GRIA1: variants seen among roughly 807,000 people sequenced by gnomAD.
GRIA1 encodes the protein glutamate receptor 1.
A neutral mutation model predicts 99.2 loss-of-function variants in GRIA1; 31 were observed. The ratio of observed to expected loss-of-function variants is 0.31; its 90% CI spans 0.23 to 0.42. The LOEUF (loss-of-function observed/expected upper bound fraction) is 0.42. Ranked by LOEUF, GRIA1 falls within the 10% of genes least tolerant of loss-of-function variation. The pLI, the probability that GRIA1 is intolerant of heterozygous loss-of-function variation, is 1.00. For synonymous variants in GRIA1, 438 were observed against 432.4 expected (o/e 1.01, Z -0.16); for missense variants, 782 against 1,157.5 (o/e 0.68, Z 4.71).
intron 2 of GRIA1, among the ~76,000 whole-genome samples, chr5:153,643,414 T>C (rs1753915207): frequency 6.6e-6 from 1 of 152,226 alleles, no homozygotes; most frequent in African/African-American, 2.4e-5. Context: ...TACAGAACCA[T>C]GTTATCTCTT....
chr5:153,644,678 C>T (rs988414788), intron 2 of GRIA1, among the ~76,000 whole-genome samples: 5 of 151,870 alleles, frequency 3.3e-5, no homozygotes, highest in African/African-American at 1.2e-4. Context: ...TGATGTGATA[C>T]AGACTGATGA....
At chr5:153,804,076 T>C (rs1249013413) in intron 15 of GRIA1, among the ~76,000 whole-genome samples, 2 of 152,114 alleles carry the variant, frequency 1.3e-5, no homozygotes, top group Non-Finnish European at 2.9e-5. Flanking sequence ...ATGTGCCTTT[T>C]TATGGGCCGA....
Position 153,787,850 on chromosome 5 carries a change from G to A in GRIA1, c.2271-6771G>A, listed in dbSNP as rs1442257832. Among the ~76,000 whole-genome samples, 4 of 152,206 alleles carry A rather than the reference G, an allele frequency of 2.6e-5. No individual in the cohort carries two copies. In the East Asian group the frequency reaches 7.7e-4, roughly 29 times the overall value. On this transcript the variant is annotated intron_variant, in intron 13 of 15. Coordinates refer to ENST00000285900, the MANE Select transcript of GRIA1 (RefSeq NM_000827.4). ...AATGCATCCACTTTGGGAGGCTGAG[G>A]TGGGCAGATCACGAGATCAGGAGAT...
chr5:153,630,041 G>A (rs767450516), intron 2 of GRIA1, among the ~76,000 whole-genome samples: 1 of 152,150 alleles, frequency 6.6e-6, no homozygotes, highest in Non-Finnish European at 1.5e-5. Context: ...GGTTTGAATT[G>A]TAGCTCCACT....
intron 2 of GRIA1, among the ~76,000 whole-genome samples, chr5:153,589,561 G>GCTCACTTTTTTCC (rs1302944541): frequency 6.6e-6 from 1 of 152,052 alleles, no homozygotes; most frequent in Non-Finnish European, 1.5e-5. Flanking sequence ...GGATTCAAGT[G>GCTCACTTTTTTCC]CTCTAACATG....
At chr5:153,610,708 A>G (rs1765906048) in intron 2 of GRIA1, among the ~76,000 whole-genome samples, 1 of 152,198 alleles carries the variant, frequency 6.6e-6, no homozygotes, top group Non-Finnish European at 1.5e-5. Context: ...CAATTTCCCC[A>G]TTTATAAAAT....
chr5:153,732,539 A>G (rs1434958366), intron 11 of GRIA1, among the ~76,000 whole-genome samples: 1 of 151,968 alleles, frequency 6.6e-6, no homozygotes, highest in East Asian at 1.9e-4. Flanking sequence ...AAAAATAGCT[A>G]TTCAGTTTCT....
intron 2 of GRIA1, among the ~76,000 whole-genome samples, chr5:153,563,046 G>C (rs1166951651): frequency 1.3e-5 from 2 of 151,862 alleles, no homozygotes; most frequent in Non-Finnish European, 2.9e-5. Flanking sequence ...CATGGTGGCA[G>C]GCGCCTGTAA....
intron 2 of GRIA1, among the ~76,000 whole-genome samples, chr5:153,524,916 T>C (rs1243065307): frequency 6.6e-6 from 1 of 152,224 alleles, no homozygotes; most frequent in Non-Finnish European, 1.5e-5. Context: ...TCATAGTTGA[T>C]TGTAGTCCAG....
chr5:153,590,473 T>A (rs1325846793), intron 2 of GRIA1, among the ~76,000 whole-genome samples: 1 of 151,412 alleles, frequency 6.6e-6, no homozygotes. Context: ...GTTGATGAAC[T>A]CTTAAAATGT....
intron 11 of GRIA1, among the ~76,000 whole-genome samples, chr5:153,761,123 T>G (rs1763157727): frequency 1.3e-5 from 2 of 152,080 alleles, no homozygotes; most frequent in South Asian, 4.1e-4. Flanking sequence ...GGGCAAGGAT[T>G]TTTTAAACAG....
At chr5:153,500,797 C>T (rs1017159468) in intron 2 of GRIA1, among the ~76,000 whole-genome samples, 1 of 152,072 alleles carries the variant, frequency 6.6e-6, no homozygotes, top group Non-Finnish European at 1.5e-5. Flanking sequence ...ACACACACCC[C>T]ACACACCTTC....
In GRIA1 at chr5:153,698,900, A is replaced by G. The variant is rs371219596; in HGVS notation, c.1279A>G (p.Asn427Asp). 6.2e-7 allele frequency: 1 copy of G among 1,613,574 alleles called. No homozygotes were observed. Among genetic ancestry groups the G allele is most frequent in the East Asian group, 2.2e-5 (1 of 44,886 alleles). Residue 427 changes from asparagine to aspartate, a missense_variant, in exon 10 of 16, where the codon AAT becomes GAT. Physicochemically the swap from Asn to Asp is conservative, Grantham distance 23. Coordinates refer to ENST00000285900, the MANE Select transcript of GRIA1 (RefSeq NM_000827.4). ...DPYVMLKKNA[N>D]QFEGNDRYEG... ...TTATGTGATGCTCAAGAAGAACGCC[A>G]ATCAGTTTGAGGGCAATGACCGTTA... is the stretch of plus-strand genomic sequence containing the variant.
chr5:153,708,884 C>G (rs555141826), intron 11 of GRIA1, among the ~76,000 whole-genome samples: 48 of 152,138 alleles, frequency 3.2e-4, no homozygotes, highest in Admixed American at 7.2e-4. Flanking sequence ...GAGTGAACTG[C>G]CAAAGGAAGT....
At chr5:153,516,238 A>T (rs1418137512) in intron 2 of GRIA1, among the ~76,000 whole-genome samples, 1 of 151,958 alleles carries the variant, frequency 6.6e-6, no homozygotes, top group East Asian at 1.9e-4. Flanking sequence ...AAAAATAAGA[A>T]ATCTACCATA....
intron 2 of GRIA1, among the ~76,000 whole-genome samples, chr5:153,558,387 G>A (rs1196558657): frequency 6.6e-6 from 1 of 151,768 alleles, no homozygotes; most frequent in Non-Finnish European, 1.5e-5. Flanking sequence ...ACATTTATAG[G>A]CAATTTTCTC....
intron 2 of GRIA1, among the ~76,000 whole-genome samples, chr5:153,534,628 C>T (rs1048923995): frequency 6.6e-6 from 1 of 152,160 alleles, no homozygotes; most frequent in Non-Finnish European, 1.5e-5. Context: ...GACAGTATCA[C>T]GTTGTGGAGT....
chr5:153,666,284 TC>T (rs1755739868), intron 5 of GRIA1, among the ~76,000 whole-genome samples: 1 of 152,148 alleles, frequency 6.6e-6, no homozygotes, highest in Non-Finnish European at 1.5e-5. Context: ...GTCCCTGCCC[TC>T]CAGGAGCTCA....
At position 153,766,370 on chromosome 5, in the gene GRIA1, C is replaced by A. The variant is rs114418586; in HGVS notation, c.2022+1738C>A. ...ACTTGTCCATAAAGCCTGTCCTATGCCCCAACCCCTGCTAATGCAGTTAGG... is the reference window on the plus strand; with the variant it reads ...ACTTGTCCATAAAGCCTGTCCTATGACCCAACCCCTGCTAATGCAGTTAGG... On this transcript the variant is annotated intron_variant, in intron 12 of 15. Transcript: ENST00000285900. 6.0e-3 allele frequency among the ~76,000 whole-genome samples: 916 copies of A among 152,252 alleles called. 10 individuals are homozygous for A. Among genetic ancestry groups the A allele is most frequent in the African/African-American group, 0.021 (875 of 41,550 alleles).
Sources: allele counts gnomAD v4.1 joint callset (sites outside exome capture counted in the v4.1 genomes callset), GRCh38; gene constraint gnomAD v4.1.1; transcripts MANE v1.5; gene names NCBI Gene and HGNC (gene_info 2026-07-23, HGNC 2026-07-21).